Variants in DGKH observed in about 807,000 individuals in gnomAD.
DGKH encodes the protein diacylglycerol kinase eta.
Under a neutral mutation model 159.3 loss-of-function variants are expected in DGKH, and 90 were observed. The ratio of observed to expected loss-of-function variants is 0.57; its 90% CI spans 0.48 to 0.67. The LOEUF (loss-of-function observed/expected upper bound fraction) is 0.67, where lower values mean the gene tolerates loss of function less well. Among genes scored for constraint, DGKH ranks in the 30% least tolerant of loss-of-function variants. The probability of loss-of-function intolerance (pLI) is 0.00; values close to 1 mark genes in which losing one functional copy is unlikely to be tolerated. For synonymous variants in DGKH, 536 were observed against 553.8 expected, an observed-to-expected ratio of 0.97 and a Z score of 0.45; for missense variants, 1,181 against 1,506.1, an observed-to-expected ratio of 0.78 and a Z score of 3.57.
rs542334578 is a variant in DGKH, at chr13:42,155,468, G to A, written c.489+73G>A. 8.0e-6 allele frequency: 12 copies of A among 1,505,574 alleles called. No homozygotes were observed. In the African/African-American group the frequency reaches 1.4e-4, roughly 17 times the overall value. 93.3% of individuals were successfully genotyped at this position (1,505,574 alleles called of 1,614,324 possible). The stretch of plus-strand genomic sequence containing the variant: ...TTAACCAAAGGGCTAGAGCTCTACC[G>A]TGCAAACATAAGTATGTGTACACTC... On this transcript the variant is annotated intron_variant, in intron 4 of 29. Transcript: ENST00000337343.
chr13:42,084,580 T>C (rs1954267461), intron 1 of DGKH, among the ~76,000 whole-genome samples: 1 of 152,190 alleles, frequency 6.6e-6, no homozygotes, highest in South Asian at 2.1e-4. Context: ...TATTACAATG[T>C]ATTGCGTATT....
intron 1 of DGKH, among the ~76,000 whole-genome samples, chr13:42,116,670 G>A (rs1300869158): frequency 6.6e-6 from 1 of 152,138 alleles, no homozygotes; most frequent in Non-Finnish European, 1.5e-5. Context: ...CATTCTCCTT[G>A]GGGCATTAAA....
At chr13:42,203,748 G>T (rs1594200766) in intron 20 of DGKH, among the ~76,000 whole-genome samples, 1 of 152,150 alleles carries the variant, frequency 6.6e-6, no homozygotes, top group African/African-American at 2.4e-5. Context: ...CAGGAGGATT[G>T]CTTGAGCCCA....
chr13:42,084,319 T>C (rs1011936542), intron 1 of DGKH, among the ~76,000 whole-genome samples: 1 of 152,204 alleles, frequency 6.6e-6, no homozygotes, highest in East Asian at 1.9e-4. Context: ...ATTTTATTGC[T>C]GTCCAAATAG....
chr13:42,094,714 A>G (rs1954488281), intron 1 of DGKH, among the ~76,000 whole-genome samples: 1 of 152,224 alleles, frequency 6.6e-6, no homozygotes, highest in Admixed American at 6.5e-5. Flanking sequence ...CTGCCAAAAG[A>G]GAGATTCCAA....
At chr13:42,212,796 A>G (rs1484559042) in intron 24 of DGKH, among the ~76,000 whole-genome samples, 1 of 152,206 alleles carries the variant, frequency 6.6e-6, no homozygotes, top group Non-Finnish European at 1.5e-5. Flanking sequence ...AATGTGGCCA[A>G]AGGATTGACA....
At position 42,155,747 on chromosome 13, in the gene DGKH, C is replaced by A; in HGVS notation, c.570C>A (p.Asn190Lys). Residue 190 changes from asparagine (N) to lysine (K), a missense_variant, in exon 5 of 30, where the codon AAC becomes AAA. Around this residue, in one of 5 missense-constraint regions of DGKH, gnomAD observed 369 missense variants for 519.4 expected, o/e 0.71. Coordinates refer to ENST00000337343, the MANE Select transcript of DGKH (RefSeq NM_178009.5). ...CCCACGCCCGACCCACCTTCTGTAACGTGTGCAGAGAGAGTCTTTCTGGAG... is the reference window on the plus strand; with the variant it reads ...CCCACGCCCGACCCACCTTCTGTAAAGTGTGCAGAGAGAGTCTTTCTGGAG... Reference protein sequence around the residue: ...ACSHARPTFCNVCRESLSGVT... With the variant: ...ACSHARPTFCKVCRESLSGVT... The A allele has an allele frequency of 6.2e-7, 1 of 1,614,100 alleles. No homozygotes were observed. Among genetic ancestry groups the A allele is most frequent in the Non-Finnish European group, 8.5e-7 (1 of 1,180,008 alleles).
At chr13:42,149,303 C>A (rs1277524611) in intron 3 of DGKH, among the ~76,000 whole-genome samples, 1 of 152,134 alleles carries the variant, frequency 6.6e-6, no homozygotes, top group Admixed American at 6.5e-5. Context: ...GGTTAGTTTC[C>A]CCTTCACTGT....
At position 42,155,678 on chromosome 13, in the gene DGKH, T is replaced by C; in HGVS notation, c.501T>C (p.Phe167=). 1 of 1,614,220 alleles carries C rather than the reference T, an allele frequency of 6.2e-7. No individual in the cohort carries two copies. The highest frequency in any genetic ancestry group is 2.2e-5 in the East Asian group (1 of 44,888). The change falls in exon 5 of 30, where the codon TTT becomes TTC. Residue 167 remains phenylalanine (F), a synonymous_variant. Coordinates refer to ENST00000337343, the MANE Select transcript of DGKH (RefSeq NM_178009.5). ...QTREPYEVAQ[F]NVEHFSGMHN... is the part of the protein sequence containing the mutation. ...CATCTCATTTCTAGGTGGCCCAGTT[T>C]AATGTGGAACATTTCTCAGGGATGC...
intron 3 of DGKH, among the ~76,000 whole-genome samples, chr13:42,131,212 A>G (rs1407891421): frequency 6.6e-6 from 1 of 152,210 alleles, no homozygotes; most frequent in Admixed American, 6.5e-5. Flanking sequence ...AGGAGAACAG[A>G]GATAGCTAGT....
chr13:42,151,361 A>G (rs9533013), intron 3 of DGKH, among the ~76,000 whole-genome samples: 54,538 of 150,928 alleles, frequency 0.36, 10,814 homozygotes, highest in South Asian at 0.45. Context: ...TATAAGTGAG[A>G]ACATGTGGTA....
At chr13:42,080,300 ACT>A (rs1954175678) in intron 1 of DGKH, among the ~76,000 whole-genome samples, 1 of 152,062 alleles carries the variant, frequency 6.6e-6, no homozygotes, top group African/African-American at 2.4e-5. Context: ...TTCCAGATTC[ACT>A]CTATACTTTA....
chr13:42,055,555 G>T (rs1040802334), intron 1 of DGKH, among the ~76,000 whole-genome samples: 2 of 152,122 alleles, frequency 1.3e-5, no homozygotes, highest in Non-Finnish European at 2.9e-5. Flanking sequence ...GTTTAAGTTT[G>T]CTTGTTTGCT....
intron 25 of DGKH, 26 bp from the exon 26 acceptor site, chr13:42,215,549 A>T (rs766728186): frequency 3.2e-6 from 5 of 1,545,946 alleles, no homozygotes; most frequent in Non-Finnish European, 4.4e-6. Context: ...TACAGATCAC[A>T]TGTCTTTGAT....
At chr13:42,225,481 A>G (rs945997501) in intron 29 of DGKH, 6 of 795,740 alleles carry the variant, frequency 7.5e-6, no homozygotes, top group Non-Finnish European at 7.5e-6. Flanking sequence ...AGCTACTCAT[A>G]TGATAAAAAC....
chr13:42,047,639 C>G (rs1033231857), upstream of DGKH, among the ~76,000 whole-genome samples: 10 of 152,196 alleles, frequency 6.6e-5, no homozygotes, highest in Admixed American at 3.9e-4. Flanking sequence ...GCTGCCAGTC[C>G]GCGGTTCCCA....
Position 42,178,201 on chromosome 13 carries a change from G to C in DGKH, c.1519G>C (p.Val507Leu). 5 of 1,600,294 alleles carry C rather than the reference G, an allele frequency of 3.1e-6. No individual in the cohort carries two copies. In the South Asian group the frequency reaches 5.6e-5, roughly 18 times the overall value. ...TKILNSDEHAVVISSAKTLCE... is the reference protein window; with the variant it reads ...TKILNSDEHALVISSAKTLCE... Reference sequence around the variant, plus strand: ...AATCCTCAATTCTGATGAACATGCAGTGGTCATATCTTCTGCCAAGTGAGT... The same window carrying C: ...AATCCTCAATTCTGATGAACATGCACTGGTCATATCTTCTGCCAAGTGAGT... The change falls in exon 13 of 30, where the codon GTG (valine) becomes CTG (leucine). Residue 507 changes from valine (V) to leucine (L), a missense_variant. Physicochemically the swap from Val to Leu is conservative, Grantham distance 32 (BLOSUM62 1). Coordinates refer to ENST00000337343, the MANE Select transcript of DGKH (RefSeq NM_178009.5).
At chr13:42,079,080 T>A (rs1330796882) in intron 1 of DGKH, among the ~76,000 whole-genome samples, 1 of 151,728 alleles carries the variant, frequency 6.6e-6, no homozygotes, top group East Asian at 1.9e-4. Flanking sequence ...CCCAGCTAAT[T>A]TTTTATATAT....
intron 7 of DGKH, among the ~76,000 whole-genome samples, chr13:42,161,712 G>C (rs1406190738): frequency 2.6e-5 from 4 of 151,598 alleles, no homozygotes; most frequent in Admixed American, 1.3e-4. Flanking sequence ...CCCAGGAGGC[G>C]GAGGTTGCAG....
Sources: gnomAD v4.1 joint callset for allele counts (sites outside exome capture counted in the v4.1 genomes callset) on GRCh38, gnomAD v4.1.1 for gene constraint, gnomAD v4.1.1 regional missense constraint, MANE v1.5 for transcripts, NCBI Gene and HGNC (gene_info 2026-07-23, HGNC 2026-07-21) for gene names.